Variants in CFAP58 observed in about 807,000 individuals in gnomAD.
CFAP58 encodes the protein cilia and flagella associated protein 58, also known as cilia- and flagella-associated protein 58.
CFAP58 carries 88 observed loss-of-function variants against 119.5 expected under a neutral mutation model. The ratio of observed to expected loss-of-function variants is 0.74; its 90% confidence interval spans 0.62 to 0.88. CFAP58 has a LOEUF of 0.88. Among genes scored for constraint, CFAP58 ranks in the 40% least tolerant of loss-of-function variants. CFAP58 has a pLI of 0.00. For missense variants in CFAP58, 990 were observed against 1,021.2 expected (o/e 0.97, Z 0.42); for synonymous variants, 365 against 366.3 (o/e 1.00, Z 0.04).
intron 15 of CFAP58, among the ~76,000 whole-genome samples, chr10:104,421,395 C>T (rs1423394509): frequency 1.3e-5 from 2 of 152,208 alleles, no homozygotes; most frequent in Non-Finnish European, 2.9e-5. Context: ...CTGCTGATGG[C>T]CCAGGCCATT....
At chr10:104,372,953 TTATGA>T (rs1000802380) in intron 7 of CFAP58, among the ~76,000 whole-genome samples, 67 of 152,332 alleles carry the variant, frequency 4.4e-4, no homozygotes, top group African/African-American at 1.6e-3. Context: ...CTCCTACATG[TTATGA>T]TTTGCTACCA....
At chr10:104,438,077 T>A (rs932161590) in intron 15 of CFAP58, among the ~76,000 whole-genome samples, 1 of 152,174 alleles carries the variant, frequency 6.6e-6, no homozygotes, top group East Asian at 1.9e-4. Flanking sequence ...AATGGAACAT[T>A]TGATGGGACA....
At chr10:104,431,249 A>C (rs1228322457) in intron 15 of CFAP58, among the ~76,000 whole-genome samples, 1 of 152,242 alleles carries the variant, frequency 6.6e-6, no homozygotes, top group Non-Finnish European at 1.5e-5. Context: ...AGAAAGACAC[A>C]GGAACAGTTC....
chr10:104,363,982 G>C (rs1249054928), intron 3 of CFAP58, among the ~76,000 whole-genome samples: 2 of 152,162 alleles, frequency 1.3e-5, no homozygotes, highest in Middle Eastern at 3.2e-3. Context: ...ATATGGAATG[G>C]CTTTTGAAAT....
At chr10:104,369,156 C>T (rs2014790806) in intron 6 of CFAP58, among the ~76,000 whole-genome samples, 1 of 152,138 alleles carries the variant, frequency 6.6e-6, no homozygotes, top group Non-Finnish European at 1.5e-5. Flanking sequence ...TTACGTTTAT[C>T]ACTTTAATTC....
chr10:104,365,058 C>T, intron 4 of CFAP58, among the ~76,000 whole-genome samples, 169 bp downstream of exon 4: 1 of 152,148 alleles, frequency 6.6e-6, no homozygotes, highest in Non-Finnish European at 1.5e-5. Flanking sequence ...AGGAGCTTTA[C>T]TTGATTTGAA....
chr10:104,374,597 A>T (rs2014866333), intron 7 of CFAP58, among the ~76,000 whole-genome samples: 1 of 152,100 alleles, frequency 6.6e-6, no homozygotes, highest in Admixed American at 6.6e-5. Flanking sequence ...AAACTTCACT[A>T]CTAAGCAAAG....
rs554643541 is a variant in CFAP58 at position 104,371,001 on chromosome 10, A to T, written c.1037A>T (p.Glu346Val). The T allele has an allele frequency of 1.2e-6, 2 of 1,613,668 alleles. No individual in the cohort carries two copies. The highest frequency in any genetic ancestry group is 2.2e-5 in the South Asian group (2 of 91,034). Residue 346 changes from glutamate to valine, a missense_variant, in exon 7 of 18, where the codon GAA (glutamate) becomes GTA (valine). Physicochemically the swap from Glu to Val is moderately radical, Grantham distance 121. Coordinates refer to ENST00000369704, the MANE Select transcript of CFAP58 (RefSeq NM_001008723.2). ...KLHHTEDQKA[E>V]VEQHKETLKN... ...CACCACACCGAAGATCAAAAGGCAGAAGTCGAACAGCACAAAGAAACCCTA... is the reference window on the plus strand; with the variant it reads ...CACCACACCGAAGATCAAAAGGCAGTAGTCGAACAGCACAAAGAAACCCTA...
intron 15 of CFAP58, among the ~76,000 whole-genome samples, chr10:104,418,487 G>A (rs1184491809): frequency 1.3e-5 from 2 of 152,224 alleles, no homozygotes; most frequent in African/African-American, 4.8e-5. Flanking sequence ...GGCGGAGCTT[G>A]CAGTGAGCCA....
chr10:104,391,670 G>T (rs745435306), intron 9 of CFAP58, among the ~76,000 whole-genome samples: 1 of 152,148 alleles, frequency 6.6e-6, no homozygotes. Flanking sequence ...CTTGCATCCC[G>T]CCTTTCCTGG....
chr10:104,427,621 GT>G (rs1461410601), intron 15 of CFAP58, among the ~76,000 whole-genome samples: 7 of 152,106 alleles, frequency 4.6e-5, no homozygotes, highest in Admixed American at 2.6e-4. Context: ...CCTGACTGTG[GT>G]TTTCTAATAT....
At chr10:104,414,641 C>A (rs2012517799) in intron 15 of CFAP58, among the ~76,000 whole-genome samples, 1 of 151,972 alleles carries the variant, frequency 6.6e-6, no homozygotes, top group African/African-American at 2.4e-5. Context: ...TTTTGTCTTG[C>A]CGCTAATAAC....
the CFAP58 span, among the ~76,000 whole-genome samples, chr10:104,348,212 G>A: frequency 6.6e-6 from 1 of 152,192 alleles, no homozygotes; most frequent in African/African-American, 2.4e-5. Context: ...CCCCAAAATA[G>A]CCTCTGGGAC....
chr10:104,372,284 T>C (rs183658828), intron 7 of CFAP58, among the ~76,000 whole-genome samples: 1,576 of 151,922 alleles, frequency 0.01, 36 homozygotes, highest in African/African-American at 0.036. Flanking sequence ...ACCTGGGAGG[T>C]GGAGGTTGCA....
In CFAP58 at chr10:104,392,257, A is replaced by C. The variant is rs757444655; in HGVS notation, c.1390A>C (p.Lys464Gln). 6 of 1,611,776 alleles carry C rather than the reference A, an allele frequency of 3.7e-6. No individual in the cohort carries two copies. In the Admixed American group the frequency reaches 8.4e-5, roughly 23 times the overall value. ...QKVLMNMEDI[K>Q]VRETQIFDYR... The stretch of plus-strand genomic sequence containing the variant: ...GGTCCTTATGAACATGGAAGACATA[A>C]AAGTTCGTGAAACACAGATTTTTGA... Residue 464 changes from lysine to glutamine, a missense_variant, in exon 10 of 18, where the codon AAA becomes CAA. Physicochemically the swap from Lys to Gln is moderately conservative, Grantham distance 53 (BLOSUM62 1). Coordinates refer to ENST00000369704, the MANE Select transcript of CFAP58 (RefSeq NM_001008723.2).
At chr10:104,359,065 C>A (rs947254878) in intron 2 of CFAP58, among the ~76,000 whole-genome samples, 2 of 152,132 alleles carry the variant, frequency 1.3e-5, no homozygotes, top group African/African-American at 2.4e-5. Context: ...TCCTAGCACC[C>A]CTTTTCTTTC....
intron 15 of CFAP58, among the ~76,000 whole-genome samples, chr10:104,408,447 G>A (rs1427378704): frequency 6.6e-5 from 10 of 152,204 alleles, no homozygotes; most frequent in African/African-American, 1.7e-4. Context: ...TGACAGTCCA[G>A]AGTTTGCTGT....
chr10:104,355,494 C>A (rs557963858), intron 1 of CFAP58, among the ~76,000 whole-genome samples: 24 of 152,326 alleles, frequency 1.6e-4, no homozygotes, highest in African/African-American at 4.6e-4. Context: ...TGACCTCAGC[C>A]AACTTTCTCG....
intron 15 of CFAP58, among the ~76,000 whole-genome samples, chr10:104,440,289 C>T (rs750886720): frequency 9.2e-5 from 14 of 152,098 alleles, no homozygotes; most frequent in Non-Finnish European, 1.8e-4. Flanking sequence ...ATCTGAAGGG[C>T]TCTATTCACC....
Sources: gnomAD v4.1 joint callset for allele counts (sites outside exome capture counted in the v4.1 genomes callset) on GRCh38, gnomAD v4.1.1 for gene constraint, MANE v1.5 for transcripts, NCBI Gene and HGNC (gene_info 2026-07-23, HGNC 2026-07-21) for gene names.